METTL2A: variants seen among roughly 807,000 people sequenced by gnomAD.
The protein encoded by METTL2A is tRNA N(3)-cytidine methyltransferase METTL2A.
METTL2A carries 45 observed loss-of-function variants against 49.4 expected under a neutral mutation model. The observed-to-expected ratio is 0.91, with a 90% CI of 0.72 to 1.17. METTL2A has a LOEUF of 1.17. Ranked by LOEUF, METTL2A falls within the 50% of genes most tolerant of loss-of-function variation. The pLI is 0.00. For synonymous variants in METTL2A, 118 were observed against 167.5 expected (o/e 0.70, Z 2.28); for missense variants, 361 against 462.2 (o/e 0.78, Z 2.01).
chr17:62,447,332 A>G (rs2070775731), intron 7 of METTL2A, among the ~76,000 whole-genome samples: 1 of 152,150 alleles, frequency 6.6e-6, no homozygotes, highest in Non-Finnish European at 1.5e-5. Flanking sequence ...AGGCAGGAGA[A>G]TCACTTGAAC....
chr17:62,437,111 T>G (rs1192346614), intron 5 of METTL2A, among the ~76,000 whole-genome samples: 1 of 151,104 alleles, frequency 6.6e-6, no homozygotes, highest in Non-Finnish European at 1.5e-5. Context: ...TTGCAGCAAT[T>G]CAGTCACATC....
rs535252251 is a variant in METTL2A at position 62,448,573 on chromosome 17, A to G, written c.983-2A>G. ...ATAAACATCTTTTATTTTCCACACTAGAGGAACTGGACACGCTTTTCACCA... is the reference window on the plus strand; with the variant it reads ...ATAAACATCTTTTATTTTCCACACTGGAGGAACTGGACACGCTTTTCACCA... On this transcript the variant is annotated splice_acceptor_variant, in intron 8 of 8. Transcript: ENST00000311506. LOFTEE classifies it high-confidence loss of function. 1 of 1,613,836 alleles carries G rather than the reference A, an allele frequency of 6.2e-7. No individual in the cohort carries two copies. The highest frequency in any genetic ancestry group is 1.1e-5 in the South Asian group (1 of 90,988).
At position 62,451,851 on chromosome 17, in the gene METTL2A, T is replaced by C. The variant is rs957796874; in HGVS notation, c.*3122T>C. 8.0e-5 allele frequency among the ~76,000 whole-genome samples: 12 copies of C among 150,222 alleles called. No homozygotes were observed. The East Asian group carries it at 1.2e-3, about 15-fold the overall frequency. ...GTTGCAGTGAGCCGAGATGGCACCA[T>C]TGCACTCCAGCCTGGGCAACAAGAG... On this transcript the variant is annotated 3_prime_UTR_variant, in exon 9 of 9. Transcript: ENST00000311506.
intron 5 of METTL2A, among the ~76,000 whole-genome samples, chr17:62,438,435 G>A (rs9908746): frequency 0.033 from 4,963 of 149,880 alleles, 289 homozygotes; most frequent in African/African-American, 0.11. Context: ...TACAAAAACT[G>A]GCAGGACGTG....
At chr17:62,441,913 G>A (rs1237074717) in intron 6 of METTL2A, among the ~76,000 whole-genome samples, 2 of 147,390 alleles carry the variant, frequency 1.4e-5, no homozygotes, top group Non-Finnish European at 3.0e-5. Context: ...GCTAATTTTT[G>A]TATTTTTTTT....
At chr17:62,440,535 T>C (rs1248657474) in intron 5 of METTL2A, 82 bp from the exon 6 acceptor site, 3 of 1,507,914 alleles carry the variant, frequency 2.0e-6, no homozygotes, top group Non-Finnish European at 2.7e-6. Flanking sequence ...AACAGTTACA[T>C]TTAAAATTTA....
At chr17:62,432,742 C>T (rs1037611978) in intron 4 of METTL2A, among the ~76,000 whole-genome samples, 8 of 151,866 alleles carry the variant, frequency 5.3e-5, no homozygotes, top group Non-Finnish European at 1.0e-4. Flanking sequence ...GCGGAGCTTG[C>T]AGTGAGCGGA....
At chr17:62,444,757 C>T in intron 6 of METTL2A, 80 bp from the exon 7 acceptor site, 1 of 1,428,130 alleles carries the variant, frequency 7.0e-7, no homozygotes, top group East Asian at 2.4e-5. Context: ...AGTCCACTGG[C>T]TTTTTGGGAT....
Position 62,449,397 on chromosome 17 carries a change from A to G in METTL2A, c.*668A>G. The G allele has an allele frequency of 2.2e-6, 1 of 453,254 alleles. No individual in the cohort carries two copies. The highest frequency in any genetic ancestry group is 1.6e-5 in the South Asian group (1 of 64,366). The allele number at this position is 453,254 out of a possible 1,614,324, so 28.1% of individuals were successfully genotyped here. ...CAAAATGTGGTGTTCTTGTTAAGTA[A>G]TTGATCGTGGTCTTCGCTTTAATCT... On this transcript the variant is annotated 3_prime_UTR_variant, in exon 9 of 9. Transcript: ENST00000311506.
Position 62,450,102 on chromosome 17 carries a change from A to AC in METTL2A, c.*1373_*1374insC, listed in dbSNP as rs2070796253. 1 of 152,118 alleles carries AC rather than the reference A, an allele frequency of 6.6e-6. No homozygotes were observed. Among genetic ancestry groups the AC allele is most frequent in the South Asian group, 2.1e-4 (1 of 4,818 alleles). The allele number at this position is 152,118 out of a possible 1,614,324, so 9.4% of individuals were successfully genotyped here. The stretch of plus-strand genomic sequence containing the variant: ...GAGGAAGACTCCGTCTCAAAAAAAA[A>AC]AAAGAAAAGAATTTTCACTTTTTGC... On this transcript the variant is annotated 3_prime_UTR_variant, in exon 9 of 9. Coordinates refer to ENST00000311506, the MANE Select transcript of METTL2A (RefSeq NM_181725.4).
Position 62,451,384 on chromosome 17 carries a change from G to A in METTL2A, c.*2655G>A, listed in dbSNP as rs886546877. ...GCTGATCTCGAACTCCCGACCTCAG[G>A]TGATCTGCCCGCCTTGGCCTCCCAA... On this transcript the variant is annotated 3_prime_UTR_variant, in exon 9 of 9. Transcript: ENST00000311506. Among the ~76,000 whole-genome samples, 4 of 150,956 alleles carry A rather than the reference G, an allele frequency of 2.6e-5. No homozygotes were observed. Among genetic ancestry groups the A allele is most frequent in the Non-Finnish European group, 5.9e-5 (4 of 67,698 alleles).
At chr17:62,447,234 C>T (rs2070774618) in intron 7 of METTL2A, among the ~76,000 whole-genome samples, 1 of 152,148 alleles carries the variant, frequency 6.6e-6, no homozygotes, top group Non-Finnish European at 1.5e-5. Context: ...GCCTGGCCAA[C>T]ATGGTGAAAC....
intron 5 of METTL2A, among the ~76,000 whole-genome samples, chr17:62,439,723 C>G (rs1389860432): frequency 6.6e-6 from 1 of 151,822 alleles, no homozygotes; most frequent in African/African-American, 2.4e-5. Context: ...TGAACCACCG[C>G]GTGCTTATTT....
chr17:62,434,630 T>A (rs981252168), intron 4 of METTL2A, among the ~76,000 whole-genome samples: 4 of 152,212 alleles, frequency 2.6e-5, no homozygotes, highest in Non-Finnish European at 4.4e-5. Context: ...GGTTTTAAAA[T>A]CAACATTTTT....
chr17:62,452,053 G>A lies in METTL2A; in HGVS notation c.*3324G>A. Among the ~76,000 whole-genome samples the A allele has an allele frequency of 6.6e-6, 1 of 152,108 alleles. No individual in the cohort carries two copies. The highest frequency in any genetic ancestry group is 1.5e-5 in the Non-Finnish European group (1 of 68,016). On this transcript the variant is annotated 3_prime_UTR_variant, in exon 9 of 9. Transcript: ENST00000311506. ...CCAGCCTGGGCAACAGTGAGACTCC[G>A]TCTCAAAATAAAAAACAAAAAAAAT...
At chr17:62,444,770 G>A in intron 6 of METTL2A, 67 bp from the exon 7 acceptor site, 1 of 1,530,254 alleles carries the variant, frequency 6.5e-7, no homozygotes, top group Non-Finnish European at 9.0e-7. Context: ...TTTGGGATAT[G>A]CTACAGGGAA....
intron 5 of METTL2A, among the ~76,000 whole-genome samples, chr17:62,436,075 C>A (rs897012780): frequency 1.3e-5 from 2 of 151,722 alleles, no homozygotes; most frequent in Non-Finnish European, 2.9e-5. Context: ...ACTAAAAATA[C>A]AAAAAAATTA....
chr17:62,446,161 C>CT (rs576144648), intron 7 of METTL2A, among the ~76,000 whole-genome samples: 5,834 of 151,560 alleles, frequency 0.038, 325 homozygotes, highest in African/African-American at 0.12. Flanking sequence ...TTGTTACAGC[C>CT]TTTTTTTTTG....
rs2070793882 is a variant in METTL2A, at chr17:62,449,763, T to C, written c.*1034T>C. The C allele has an allele frequency of 5.7e-6, 1 of 175,904 alleles. No individual in the cohort carries two copies. The highest frequency in any genetic ancestry group is 1.1e-4 in the South Asian group (1 of 9,002). The allele number at this position is 175,904 out of a possible 1,614,324, so 10.9% of individuals were successfully genotyped here. On this transcript the variant is annotated 3_prime_UTR_variant, in exon 9 of 9. Transcript: ENST00000311506. ...AGTTCCATGGAATTTTAAGCATTGT[T>C]CCCCCTCTAACCTGTGTCTAAAGAA...
Sources: allele counts gnomAD v4.1 joint callset (sites outside exome capture counted in the v4.1 genomes callset), GRCh38; gene constraint gnomAD v4.1.1; transcripts MANE v1.5; gene names NCBI Gene and HGNC (gene_info 2026-07-23, HGNC 2026-07-21).